The following RGSL1 variants were observed in gnomAD, a reference collection of about 807,000 sequenced individuals.
RGSL1 encodes regulator of G protein signaling protein-like.
RGSL1 carries 97 observed loss-of-function variants against 124.7 expected under a neutral mutation model. The observed-to-expected ratio is 0.78, with a 90% confidence interval of 0.66 to 0.92. The LOEUF (loss-of-function observed/expected upper bound fraction) is 0.92. Ranked by LOEUF, RGSL1 falls within the 40% of genes least tolerant of loss-of-function variation. RGSL1 has a pLI of 0.00. For synonymous variants in RGSL1, 424 were observed against 438.1 expected (o/e 0.97, Z 0.40); for missense variants, 1,233 against 1,288.4 (o/e 0.96, Z 0.66).
chr1:182,472,172 C>CA (rs373110118), intron 4 of RGSL1, among the ~76,000 whole-genome samples: 1 of 152,090 alleles, frequency 6.6e-6, no homozygotes, highest in African/African-American at 2.4e-5. Flanking sequence ...ACACCAGCAA[C>CA]AAAAAGTCAA....
Position 182,466,321 on chromosome 1 carries a change from G to A in RGSL1, c.302-6075G>A, listed in dbSNP as rs576359210. On this transcript the variant is annotated intron_variant, in intron 4 of 21. Transcript: ENST00000294854. ...CTGGAAACTCTCACCAGAGCAATTC[G>A]GCCAAAAGAAGAAGGAAAAATAAGA... is the stretch of plus-strand genomic sequence containing the variant. Among the ~76,000 whole-genome samples the A allele has an allele frequency of 4.6e-5, 7 of 151,962 alleles. No individual in the cohort carries two copies. In the South Asian group the frequency reaches 1.0e-3, roughly 23 times the overall value.
intron 6 of RGSL1, among the ~76,000 whole-genome samples, chr1:182,477,080 C>A (rs3843285): frequency 0.083 from 12,710 of 152,248 alleles, 596 homozygotes; most frequent in South Asian, 0.18. Flanking sequence ...GAAACATGGA[C>A]TTGCCAACTA....
chr1:182,554,251 C>T (rs1292426061), intron 19 of RGSL1, among the ~76,000 whole-genome samples: 2 of 152,202 alleles, frequency 1.3e-5, no homozygotes, highest in Non-Finnish European at 2.9e-5. Context: ...CGTGTTTCCT[C>T]ATTGCTTCAT....
chr1:182,532,769 G>A lies in RGSL1; in HGVS notation c.2472G>A (p.Gln824=). The part of the protein sequence containing the change: ...KRQEFEDYLH[Q]EMQNSKENFT... ...AGGAATTTGAAGACTATCTTCACCA[G>A]GAAATGCAAAATAGCAAGGAAAGTA... The change falls in exon 14 of 22, where the codon CAG becomes CAA. Residue 824 remains glutamine, a synonymous_variant. Transcript: ENST00000294854. The A allele has an allele frequency of 6.4e-7, 1 of 1,550,418 alleles. No homozygotes were observed. The highest frequency in any genetic ancestry group is 8.7e-7 in the Non-Finnish European group (1 of 1,146,176).
chr1:182,557,383 T>C (rs992069275), intron 21 of RGSL1, among the ~76,000 whole-genome samples: 12 of 152,120 alleles, frequency 7.9e-5, no homozygotes, highest in Non-Finnish European at 1.6e-4. Flanking sequence ...GTTAGTGGAA[T>C]TGAGGTAACA....
chr1:182,521,776 AAAGGCC>A (rs1488558772), intron 9 of RGSL1, among the ~76,000 whole-genome samples: 1 of 152,218 alleles, frequency 6.6e-6, no homozygotes, highest in African/African-American at 2.4e-5. Context: ...CGCTAGACTT[AAAGGCC>A]AACATACTTA....
intron 21 of RGSL1, among the ~76,000 whole-genome samples, chr1:182,557,891 G>A (rs1660952732): frequency 6.6e-6 from 1 of 152,176 alleles, no homozygotes; most frequent in African/African-American, 2.4e-5. Context: ...TCAGTCACCT[G>A]TAGAATACAG....
chr1:182,483,520 G>C (rs1480949015), intron 6 of RGSL1, among the ~76,000 whole-genome samples: 2 of 151,960 alleles, frequency 1.3e-5, no homozygotes, highest in East Asian at 3.8e-4. Flanking sequence ...ATGAATACGT[G>C]TGTGCATATA....
Position 182,488,284 on chromosome 1 carries a change from G to T in RGSL1, c.1432-1G>T. 1 of 1,552,214 alleles carries T rather than the reference G, an allele frequency of 6.4e-7. No homozygotes were observed. The highest frequency in any genetic ancestry group is 1.4e-5 in the African/African-American group (1 of 73,168). On this transcript the variant is annotated splice_acceptor_variant, in intron 6 of 21. Coordinates refer to ENST00000294854, the MANE Select transcript of RGSL1 (RefSeq NM_001137669.2). LOFTEE classifies it high-confidence loss of function. ...ATGCATATGCTGTGTTTGGTTTTCA[G>T]ATGCTCAGTCCCTGGTATGATGAGT... is the stretch of plus-strand genomic sequence containing the variant.
At chr1:182,500,703 T>G (rs1656283409) in intron 9 of RGSL1, among the ~76,000 whole-genome samples, 1 of 152,230 alleles carries the variant, frequency 6.6e-6, no homozygotes, top group Non-Finnish European at 1.5e-5. Flanking sequence ...GTTTACAAGT[T>G]TTACATTTTC....
chr1:182,487,838 A>G (rs1042748827), intron 6 of RGSL1, among the ~76,000 whole-genome samples: 1 of 152,176 alleles, frequency 6.6e-6, no homozygotes, highest in Non-Finnish European at 1.5e-5. Context: ...CATAGGTTTT[A>G]TTGTTGTGTG....
At chr1:182,527,840 A>T (rs1358780680) in intron 11 of RGSL1, 68 bp downstream of exon 11, 1 of 1,342,118 alleles carries the variant, frequency 7.5e-7, no homozygotes, top group African/African-American at 1.5e-5. Context: ...CCTGGGAAAT[A>T]GCCTACCTCA....
At chr1:182,492,854 C>A in intron 8 of RGSL1, 168 bp from the exon 9 acceptor site, 1 of 602,838 alleles carries the variant, frequency 1.7e-6, no homozygotes, top group South Asian at 2.0e-5. Context: ...TGGTCTCAAT[C>A]TCCTGACTTT....
At chr1:182,536,802 T>C (rs958813656) in intron 14 of RGSL1, among the ~76,000 whole-genome samples, 3 of 151,944 alleles carry the variant, frequency 2.0e-5, no homozygotes, top group South Asian at 2.1e-4. Flanking sequence ...GTGAGACTTA[T>C]TCACTATCAT....
chr1:182,500,685 A>G (rs1363874396), intron 9 of RGSL1, among the ~76,000 whole-genome samples: 1 of 152,188 alleles, frequency 6.6e-6, no homozygotes, highest in African/African-American at 2.4e-5. Context: ...AATACTTTGT[A>G]ATTTTTAGTT....
chr1:182,498,265 A>G lies in RGSL1; in HGVS notation c.1825+5136A>G, dbSNP rs146201755. On this transcript the variant is annotated intron_variant, in intron 9 of 21. Transcript: ENST00000294854. ...AGTGGCACCCATTTCAAGCTGGCTT[A>G]TGTCTCGTTTTGGAATGTCTCTTGA... Among the ~76,000 whole-genome samples the G allele has an allele frequency of 7.5e-3, 1,144 of 151,698 alleles. 15 individuals carry two copies. Among genetic ancestry groups the G allele is most frequent in the Middle Eastern group, 0.037 (11 of 294 alleles).
chr1:182,483,662 C>T (rs1186175916), intron 6 of RGSL1, among the ~76,000 whole-genome samples: 2 of 151,886 alleles, frequency 1.3e-5, no homozygotes, highest in East Asian at 3.9e-4. Context: ...TTTCATTTTA[C>T]GTTCAGGGGT....
rs1659078203 is a variant in RGSL1 at position 182,530,358 on chromosome 1, A to C, written c.2240A>C (p.Lys747Thr). ...QGHVMKSIEE[K>T]WFKDYQDLFP... ...CATGTTATGAAATCTATAGAAGAAA[A>C]GTGGTGAGTATACTCAATTAAGGAA... The change falls in exon 12 of 22, where the codon AAG becomes ACG. Residue 747 changes from lysine to threonine, a missense_variant. Transcript: ENST00000294854. 16 of 1,548,552 alleles carry C rather than the reference A, an allele frequency of 1.0e-5. No individual in the cohort carries two copies. The highest frequency in any genetic ancestry group is 3.3e-4 in the Middle Eastern group (2 of 5,976).
chr1:182,540,135 T>C lies in RGSL1; in HGVS notation c.2495-112T>C, dbSNP rs1002296175. The C allele has an allele frequency of 4.6e-6, 5 of 1,085,526 alleles. 1 individual carries two copies. Among genetic ancestry groups the C allele is most frequent in the Non-Finnish European group, 6.3e-6 (5 of 793,120 alleles). 67.2% of individuals were successfully genotyped at this position (1,085,526 alleles called of 1,614,324 possible). On this transcript the variant is annotated intron_variant, in intron 14 of 21. Transcript: ENST00000294854. ...CAATGGCAGTAAGTGACTATTTCAG[T>C]AGGCCAAAAGGATGGATCCACAGTC...
Sources: allele counts gnomAD v4.1 joint callset (sites outside exome capture counted in the v4.1 genomes callset), GRCh38; gene constraint gnomAD v4.1.1; transcripts MANE v1.5; gene names NCBI Gene and HGNC (gene_info 2026-07-23, HGNC 2026-07-21).